The following ZDHHC20 variants were observed in gnomAD, a reference collection of about 807,000 sequenced individuals.
The protein encoded by ZDHHC20 is palmitoyltransferase ZDHHC20.
A neutral mutation model predicts 57.8 loss-of-function variants in ZDHHC20; 43 were observed. The observed-to-expected ratio is 0.74, with a 90% confidence interval of 0.58 to 0.96. The LOEUF (loss-of-function observed/expected upper bound fraction) is 0.96, where lower values mean the gene tolerates loss of function less well. ZDHHC20 is among the 40% of genes least tolerant of loss of function. ZDHHC20 has a pLI of 0.00. For missense variants in ZDHHC20, 391 were observed against 441.1 expected, an observed-to-expected ratio of 0.89 and a Z score of 1.02; for synonymous variants, 157 against 153.0, an observed-to-expected ratio of 1.03 and a Z score of -0.19.
chr13:21,396,988 A>G (rs959786462), intron 7 of ZDHHC20, among the ~76,000 whole-genome samples: 3 of 152,220 alleles, frequency 2.0e-5, no homozygotes, highest in African/African-American at 7.2e-5. Flanking sequence ...TCTCCCAGTC[A>G]GTAGCTTGCT....
In ZDHHC20 at chr13:21,374,370, G is replaced by A. The variant is rs1251137360; in HGVS notation, c.*2326C>T. On this transcript the variant is annotated 3_prime_UTR_variant, in exon 13 of 13. Coordinates refer to ENST00000400590, the MANE Select transcript of ZDHHC20 (RefSeq NM_001330059.2). ...CTCCCGAGTAGTTGGGACTACAGGC[G>A]TGTGCCACCATGCCTGGACAGTTTT... The A allele has an allele frequency of 1.3e-5, 6 of 454,868 alleles. No homozygotes were observed. The highest frequency in any genetic ancestry group is 3.1e-5 in the South Asian group (2 of 64,428). 28.2% of individuals were successfully genotyped at this position (454,868 alleles called of 1,614,324 possible).
intron 3 of ZDHHC20, among the ~76,000 whole-genome samples, chr13:21,418,867 G>T (rs1253716081): frequency 6.6e-6 from 1 of 152,112 alleles, no homozygotes; most frequent in African/African-American, 2.4e-5. Flanking sequence ...TAGAGATGGG[G>T]TTTGCTACAT....
At chr13:21,418,988 C>T (rs1164896572) in intron 3 of ZDHHC20, among the ~76,000 whole-genome samples, 2 of 152,108 alleles carry the variant, frequency 1.3e-5, no homozygotes, top group Admixed American at 6.6e-5. Context: ...GCATTCTTAA[C>T]CTCTACATTA....
In ZDHHC20 at chr13:21,372,627, A is replaced by AT. The variant is rs1871386998; in HGVS notation, c.*4068_*4069insA. 2 of 152,328 alleles carry AT rather than the reference A, an allele frequency of 1.3e-5. No homozygotes were observed. The highest frequency in any genetic ancestry group is 3.9e-4 in the East Asian group (2 of 5,190). 9.4% of individuals were successfully genotyped at this position (152,328 alleles called of 1,614,324 possible). A position where few individuals can be genotyped will look rare whatever the true frequency, so the allele number is the denominator to read the frequency against. On this transcript the variant is annotated 3_prime_UTR_variant, in exon 13 of 13. Coordinates refer to ENST00000400590, the MANE Select transcript of ZDHHC20 (RefSeq NM_001330059.2). The stretch of plus-strand genomic sequence containing the variant: ...TAATTCATTATGACTTTTGAAAAAA[A>AT]AAGTTTTAAAATGTTCTGTGTACAT...
chr13:21,427,141 ATTTTTCTT>A (rs1032103929), intron 1 of ZDHHC20, among the ~76,000 whole-genome samples: 7 of 151,128 alleles, frequency 4.6e-5, no homozygotes, highest in African/African-American at 1.7e-4. Flanking sequence ...ACACCATCTC[ATTTTTCTT>A]TTTTTCTTTT....
intron 8 of ZDHHC20, chr13:21,390,234 CTTT>C (rs1045275044): frequency 6.6e-6 from 1 of 152,180 alleles, no homozygotes; most frequent in African/African-American, 2.4e-5. Context: ...TGGATTTTAA[CTTT>C]TTTACAAAAC....
At position 21,391,048 on chromosome 13, in the gene ZDHHC20, AT is replaced by A. The variant is rs879313790; in HGVS notation, c.727+673del. The stretch of plus-strand genomic sequence containing the variant: ...TCTACTGTCTATCCCTTATAGATTA[AT>A]TTTTTTTTTTTTGAGATAGGGTCTT... On this transcript the variant is annotated intron_variant, in intron 8 of 12. Transcript: ENST00000400590. Among the ~76,000 whole-genome samples the A allele has an allele frequency of 2.3e-3, 334 of 147,128 alleles. 2 individuals are homozygous for A. The highest frequency in any genetic ancestry group is 7.0e-3 in the Middle Eastern group (2 of 286).
chr13:21,425,417 T>C (rs1353896782), intron 2 of ZDHHC20, among the ~76,000 whole-genome samples: 1 of 152,122 alleles, frequency 6.6e-6, no homozygotes, highest in Non-Finnish European at 1.5e-5. Flanking sequence ...TACTAGGTGT[T>C]GTACAAAATA....
At chr13:21,453,409 T>C (rs1884638296) in intron 1 of ZDHHC20, among the ~76,000 whole-genome samples, 1 of 152,038 alleles carries the variant, frequency 6.6e-6, no homozygotes, top group South Asian at 2.1e-4. Flanking sequence ...AGCAAGAAAA[T>C]AGAGGACTTG....
At chr13:21,398,321 G>A (rs978994661) in intron 7 of ZDHHC20, among the ~76,000 whole-genome samples, 4 of 151,948 alleles carry the variant, frequency 2.6e-5, no homozygotes, top group South Asian at 4.2e-4. Flanking sequence ...AAAATTAGCC[G>A]GGCGAGGTGC....
At chr13:21,403,873 A>AG (rs1878072503) in intron 4 of ZDHHC20, among the ~76,000 whole-genome samples, 1 of 152,034 alleles carries the variant, frequency 6.6e-6, no homozygotes, top group South Asian at 2.1e-4. Flanking sequence ...TTTTTAGTAG[A>AG]GACAGGGTTT....
In ZDHHC20 at chr13:21,376,196, A is replaced by G. The variant is rs1872044937; in HGVS notation, c.*500T>C. On this transcript the variant is annotated 3_prime_UTR_variant, in exon 13 of 13. Coordinates refer to ENST00000400590, the MANE Select transcript of ZDHHC20 (RefSeq NM_001330059.2). ...AAATTAGCAAATACCCAATTTAAAA[A>G]AGCAGTTTTCCTTATACAGTACAAG... is the stretch of plus-strand genomic sequence containing the variant. The G allele has an allele frequency of 6.6e-6, 1 of 152,434 alleles. No homozygotes were observed. The highest frequency in any genetic ancestry group is 1.5e-5 in the Non-Finnish European group (1 of 68,188). 9.4% of individuals were successfully genotyped at this position (152,434 alleles called of 1,614,324 possible). A position where few individuals can be genotyped will look rare whatever the true frequency, so the allele number is the denominator to read the frequency against.
rs1009641770 is a variant in ZDHHC20 at position 21,379,925 on chromosome 13, C to T, written c.1061-1187G>A. On this transcript the variant is annotated intron_variant, in intron 11 of 12. Coordinates refer to ENST00000400590, the MANE Select transcript of ZDHHC20 (RefSeq NM_001330059.2). The stretch of plus-strand genomic sequence containing the variant: ...CAACCCCCGGGGTTCACGCCATTCC[C>T]CTGCCTCAGCCTCCCGAGTAGCTGG... Among the ~76,000 whole-genome samples the T allele has an allele frequency of 2.6e-5, 4 of 151,626 alleles. No homozygotes were observed. In the East Asian group the frequency reaches 5.9e-4, roughly 22 times the overall value.
At chr13:21,432,981 T>C (rs1328730048) in intron 1 of ZDHHC20, among the ~76,000 whole-genome samples, 1 of 152,270 alleles carries the variant, frequency 6.6e-6, no homozygotes, top group African/African-American at 2.4e-5. Context: ...CACTGGTCTA[T>C]ATGTCCATTC....
chr13:21,446,764 T>C (rs1263187432), intron 1 of ZDHHC20, among the ~76,000 whole-genome samples: 2 of 152,156 alleles, frequency 1.3e-5, no homozygotes, highest in African/African-American at 2.4e-5. Flanking sequence ...TAGCGTCAGG[T>C]ATTAATCTTA....
At position 21,380,220 on chromosome 13, in the gene ZDHHC20, A is replaced by T. The variant is rs182342064; in HGVS notation, c.1060+1214T>A. Among the ~76,000 whole-genome samples, 1,203 of 151,364 alleles carry T rather than the reference A, an allele frequency of 7.9e-3. 17 individuals are homozygous for T. The highest frequency in any genetic ancestry group is 0.028 in the African/African-American group (1,150 of 41,232). On this transcript the variant is annotated intron_variant, in intron 11 of 12. Coordinates refer to ENST00000400590, the MANE Select transcript of ZDHHC20 (RefSeq NM_001330059.2). The stretch of plus-strand genomic sequence containing the variant: ...AACCTCCGCCTCCCGGGTTCAAGCG[A>T]TTCTCCTGCCTCAGCCTCCCGAGTA...
intron 4 of ZDHHC20, among the ~76,000 whole-genome samples, chr13:21,406,799 G>A (rs991559334): frequency 6.6e-6 from 1 of 152,138 alleles, no homozygotes; most frequent in African/African-American, 2.4e-5. Flanking sequence ...GGGCATTTGG[G>A]TTGGTTCCAA....
intron 3 of ZDHHC20, among the ~76,000 whole-genome samples, chr13:21,419,831 A>G (rs1593240762): frequency 6.6e-6 from 1 of 152,200 alleles, no homozygotes; most frequent in East Asian, 1.9e-4. Flanking sequence ...CTTTTTGTAT[A>G]TATGTTCTTC....
intron 1 of ZDHHC20, among the ~76,000 whole-genome samples, chr13:21,458,295 A>G (rs1593297204): frequency 1.3e-5 from 2 of 152,234 alleles, no homozygotes; most frequent in African/African-American, 4.8e-5. Context: ...AGAACTTATC[A>G]GGAAAATGGA....
Sources: gnomAD v4.1 joint callset for allele counts (sites outside exome capture counted in the v4.1 genomes callset) on GRCh38, gnomAD v4.1.1 for gene constraint, MANE v1.5 for transcripts, NCBI Gene and HGNC (gene_info 2026-07-23, HGNC 2026-07-21) for gene names.